IREB2: variants seen among roughly 807,000 people sequenced by gnomAD.
The protein encoded by IREB2 is iron responsive element binding protein 2.
IREB2 carries 39 observed loss-of-function variants against 118.8 expected under a neutral mutation model. The ratio of observed to expected loss-of-function variants is 0.33; its 90% CI spans 0.25 to 0.43. IREB2 has a LOEUF of 0.43. IREB2 is among the 20% of genes least tolerant of loss of function. The pLI, the probability that IREB2 is intolerant of heterozygous loss-of-function variation, is 1.00. For synonymous variants in IREB2, 372 were observed against 392.2 expected, an observed-to-expected ratio of 0.95 and a Z score of 0.61; for missense variants, 900 against 1,147.3, an observed-to-expected ratio of 0.78 and a Z score of 3.11.
chr15:78,497,971 A>C (rs2051866010), intron 21 of IREB2, 62 bp from the exon 22 acceptor site: 5 of 888,588 alleles, frequency 5.6e-6, no homozygotes, highest in Middle Eastern at 4.7e-4. Flanking sequence ...AAATGGTCTT[A>C]ACCATCAAGT....
intron 6 of IREB2, 90 bp downstream of exon 6, chr15:78,470,691 T>C: frequency 4.0e-6 from 1 of 253,060 alleles, no homozygotes; most frequent in South Asian, 1.0e-4. Flanking sequence ...TTCTTTTCCT[T>C]TTTTTTTTTT....
intron 13 of IREB2, 66 bp downstream of exon 13, chr15:78,485,906 G>T: frequency 7.5e-7 from 1 of 1,328,236 alleles, no homozygotes. Context: ...CTGCTTGTTT[G>T]TGCCTTTCAT....
rs140959198 is a variant in IREB2, at chr15:78,497,192, A to G, written c.2662A>G (p.Ile888Val). The change falls in exon 21 of 22, where the codon ATA becomes GTA. Residue 888 changes from isoleucine to valine, a missense_variant. Coordinates refer to ENST00000258886, the MANE Select transcript of IREB2 (RefSeq NM_004136.4). Reference sequence around the variant, plus strand: ...CAAAGATCATTTGATTGGAATTGGCATAGCTCCACTTCAGTTCCTTCCAGG... The same window carrying G: ...CAAAGATCATTTGATTGGAATTGGCGTAGCTCCACTTCAGTTCCTTCCAGG... The part of the protein sequence containing the change: ...IHKDHLIGIG[I>V]APLQFLPGEN... 6,803 of 1,613,844 alleles carry G rather than the reference A, an allele frequency of 4.2e-3. 27 individuals are homozygous for G. The highest frequency in any genetic ancestry group is 5.4e-3 in the Non-Finnish European group (6,326 of 1,179,736).
intron 3 of IREB2, among the ~76,000 whole-genome samples, chr15:78,464,282 C>T (rs2051244969): frequency 6.6e-6 from 1 of 152,188 alleles, no homozygotes. Context: ...CTTTACCATA[C>T]TCTGAAAGAT....
At chr15:78,439,152 G>C (rs1018036065) in intron 1 of IREB2, among the ~76,000 whole-genome samples, 2 of 152,154 alleles carry the variant, frequency 1.3e-5, no homozygotes, top group African/African-American at 2.4e-5. Context: ...CTTTGACTTA[G>C]TAGTTCAGCT....
At chr15:78,483,501 G>C in intron 11 of IREB2, 67 bp downstream of exon 11, 1 of 841,948 alleles carries the variant, frequency 1.2e-6, no homozygotes, top group Non-Finnish European at 2.1e-6. Context: ...GAACCAACAA[G>C]GTGACCCATA....
chr15:78,466,557 T>C, intron 5 of IREB2, 68 bp downstream of exon 5: 1 of 1,006,592 alleles, frequency 9.9e-7, no homozygotes. Context: ...ATCAAATTTA[T>C]TCTCTTCCCA....
Position 78,476,314 on chromosome 15 carries a change from T to C in IREB2, c.1150T>C (p.Phe384Leu). ...TCCGGAATATGGTGCTATCCTCAGC[T>C]TTTTCCCTGTTGACAATGTGACATT... Reference protein sequence around the residue: ...MCPEYGAILSFFPVDNVTLKH... With the variant: ...MCPEYGAILSLFPVDNVTLKH... The change falls in exon 9 of 22, where the codon TTT becomes CTT. Residue 384 changes from phenylalanine (F) to leucine (L), a missense_variant. By Grantham distance (22) the Phe-to-Leu change is conservative. Transcript: ENST00000258886. 6.3e-7 allele frequency: 1 copy of C among 1,598,300 alleles called. No individual in the cohort carries two copies. Among genetic ancestry groups the C allele is most frequent in the Non-Finnish European group, 8.6e-7 (1 of 1,168,182 alleles).
chr15:78,494,216 T>C lies in IREB2; in HGVS notation c.2547T>C (p.Tyr849=), dbSNP rs147952061. The C allele has an allele frequency of 6.7e-5, 108 of 1,614,054 alleles. No homozygotes were observed. In the African/African-American group the frequency reaches 1.1e-3, roughly 17 times the overall value. Residue 849 remains tyrosine (Y), a synonymous_variant, in exon 20 of 22, where the codon TAT becomes TAC. Transcript: ENST00000258886. The stretch of plus-strand genomic sequence containing the variant: ...TGATTATTTTAGCAGGAAAGAAATA[T>C]GGTTCAGGAAACTCCAGAGACTGGG... The part of the protein sequence containing the change: ...IPLIILAGKK[Y]GSGNSRDWAA...
chr15:78,467,353 A>C (rs1387143930), intron 5 of IREB2, among the ~76,000 whole-genome samples: 1 of 152,212 alleles, frequency 6.6e-6, no homozygotes, highest in African/African-American at 2.4e-5. Context: ...TTCTATTCCT[A>C]GGATTTGGCT....
At chr15:78,476,771 A>C (rs75212454) in intron 9 of IREB2, 2,749 of 152,924 alleles carry the variant, frequency 0.018, 107 homozygotes, top group African/African-American at 0.062. Context: ...GAAGAAGAAG[A>C]AGCGCAAAAT....
rs903519753 is a variant in IREB2, at chr15:78,438,284, C to T, written c.-54C>T. ...CCTCCCCGTCTTCCCTGCCCGGCCT[C>T]CCCCTTCTTCCCCCGCTGGCCCCCT... On this transcript the variant is annotated 5_prime_UTR_variant, in exon 1 of 22. Coordinates refer to ENST00000258886, the MANE Select transcript of IREB2 (RefSeq NM_004136.4). 8.4e-6 allele frequency: 12 copies of T among 1,430,858 alleles called. No homozygotes were observed. Among genetic ancestry groups the T allele is most frequent in the Middle Eastern group, 1.7e-4 (1 of 5,778 alleles). The allele number at this position is 1,430,858 out of a possible 1,614,324, so 88.6% of individuals were successfully genotyped here.
At chr15:78,485,955 C>T in intron 13 of IREB2, 115 bp downstream of exon 13, 1 of 853,120 alleles carries the variant, frequency 1.2e-6, no homozygotes, top group Non-Finnish European at 1.8e-6. Flanking sequence ...TTTAGTTTTA[C>T]TTGCTACCTT....
rs1461955309 is a variant in IREB2, at chr15:78,466,369, G to A, written c.509G>A (p.Gly170Asp). 1.9e-6 allele frequency: 3 copies of A among 1,613,936 alleles called. No individual in the cohort carries two copies. The highest frequency in any genetic ancestry group is 2.2e-5 in the East Asian group (1 of 44,880). The change falls in exon 5 of 22, where the codon GGC becomes GAC. Residue 170 changes from glycine to aspartate, a missense_variant. By Grantham distance (94) the Gly-to-Asp change is moderately conservative. Coordinates refer to ENST00000258886, the MANE Select transcript of IREB2 (RefSeq NM_004136.4). ...KVQPKKLPCR[G>D]QTTCRGSCDS... ...CAGCCTAAGAAGCTTCCCTGCAGAGGCCAGACTACCTGCCGAGGATCTTGT... is the reference window on the plus strand; with the variant it reads ...CAGCCTAAGAAGCTTCCCTGCAGAGACCAGACTACCTGCCGAGGATCTTGT...
rs2051735116 is a variant in IREB2 at position 78,490,652 on chromosome 15, A to G, written c.2215A>G (p.Asn739Asp). ...KEPIALQAIE[N>D]AHVLLYLGDS... is the part of the protein sequence containing the mutation. ...GCCAATTGCACTCCAGGCTATTGAAAATGCCCATGTCTTATTATATTTGGG... is the reference window on the plus strand; with the variant it reads ...GCCAATTGCACTCCAGGCTATTGAAGATGCCCATGTCTTATTATATTTGGG... The change falls in exon 18 of 22, where the codon AAT becomes GAT. Residue 739 changes from asparagine to aspartate, a missense_variant. Asn to Asp is a conservative substitution (Grantham distance 23). Transcript: ENST00000258886. The G allele has an allele frequency of 6.2e-7, 1 of 1,614,038 alleles. No individual in the cohort carries two copies. Among genetic ancestry groups the G allele is most frequent in the African/African-American group, 1.3e-5 (1 of 74,930 alleles).
At chr15:78,478,970 GC>G (rs1226185830) in intron 10 of IREB2, among the ~76,000 whole-genome samples, 2 of 152,148 alleles carry the variant, frequency 1.3e-5, no homozygotes, top group Non-Finnish European at 2.9e-5. Context: ...ACCCAGTCCG[GC>G]TCTTTCACCA....
chr15:78,448,908 G>T (rs2050976504), intron 2 of IREB2, among the ~76,000 whole-genome samples: 1 of 152,208 alleles, frequency 6.6e-6, no homozygotes, highest in Admixed American at 6.5e-5. Context: ...CTGCTTACTA[G>T]AGTACTAATA....
chr15:78,460,492 ATGCTCAGATT>A (rs1402466039), intron 2 of IREB2, among the ~76,000 whole-genome samples: 1 of 152,170 alleles, frequency 6.6e-6, no homozygotes, highest in African/African-American at 2.4e-5. Context: ...ACTCATTTTG[ATGCTCAGATT>A]GACCCGTTAG....
intron 2 of IREB2, among the ~76,000 whole-genome samples, chr15:78,454,692 C>T (rs1196415604): frequency 6.6e-6 from 1 of 152,044 alleles, no homozygotes; most frequent in Non-Finnish European, 1.5e-5. Context: ...AAACTTAGGA[C>T]TTGTTTTATT....
Sources: allele counts gnomAD v4.1 joint callset (sites outside exome capture counted in the v4.1 genomes callset), GRCh38; gene constraint gnomAD v4.1.1; transcripts MANE v1.5; gene names NCBI Gene and HGNC (gene_info 2026-07-23, HGNC 2026-07-21).